GLI3: variants seen among roughly 807,000 people sequenced by gnomAD.
GLI3 encodes GLI family zinc finger 3, also known as transcription activator GLI3.
GLI3 carries 20 observed loss-of-function variants against 100.8 expected under a neutral mutation model. The ratio of observed to expected loss-of-function variants is 0.20; its 90% CI spans 0.14 to 0.29. The LOEUF is 0.29. Among genes scored for constraint, GLI3 ranks in the 10% least tolerant of loss-of-function variants. The pLI, the probability that GLI3 is intolerant of heterozygous loss-of-function variation, is 1.00. For missense variants in GLI3, 2,040 were observed against 2,128.5 expected (o/e 0.96, Z 0.82); for synonymous variants, 938 against 860.5 (o/e 1.09, Z -1.58).
intron 3 of GLI3, among the ~76,000 whole-genome samples, chr7:42,116,632 G>C (rs954505642): frequency 1.4e-4 from 22 of 152,008 alleles, no homozygotes; most frequent in African/African-American, 5.1e-4. Context: ...TCTGATGCAC[G>C]AGGGCACAGC....
At chr7:42,190,631 G>C (rs1787809108) in intron 2 of GLI3, among the ~76,000 whole-genome samples, 1 of 152,114 alleles carries the variant, frequency 6.6e-6, no homozygotes, top group African/African-American at 2.4e-5. Context: ...GTTTCATGTT[G>C]TGAAAACTTT....
chr7:41,971,917 A>ATTTGT lies in GLI3; in HGVS notation c.2103+415_2103+419dup, dbSNP rs1787373581. On this transcript the variant is annotated intron_variant, in intron 13 of 14. Coordinates refer to ENST00000395925, the MANE Select transcript of GLI3 (RefSeq NM_000168.6). ...GTAAGCCTCCATCACACTGCACGGT[A>ATTTGT]TTTGTTTTTCAGTCTATCTATCCCA... Among the ~76,000 whole-genome samples the ATTTGT allele has an allele frequency of 2.0e-5, 3 of 152,232 alleles. No homozygotes were observed. In the East Asian group the frequency reaches 5.8e-4, roughly 29 times the overall value.
intron 4 of GLI3, among the ~76,000 whole-genome samples, chr7:42,057,568 C>T (rs2128745760): frequency 6.6e-6 from 1 of 152,252 alleles, no homozygotes; most frequent in Non-Finnish European, 1.5e-5. Context: ...TGGAAACAAC[C>T]TAATATCTAT....
At chr7:41,998,778 ACAAT>A (rs1448248859) in intron 10 of GLI3, among the ~76,000 whole-genome samples, 1 of 152,254 alleles carries the variant, frequency 6.6e-6, no homozygotes, top group Non-Finnish European at 1.5e-5. Flanking sequence ...TTGGACATCA[ACAAT>A]CAAAGCACTT....
At chr7:42,079,021 G>A (rs769228656) in intron 3 of GLI3, among the ~76,000 whole-genome samples, 2 of 152,096 alleles carry the variant, frequency 1.3e-5, no homozygotes, top group African/African-American at 2.4e-5. Context: ...CAGCCACCGC[G>A]CCCGGCCTCA....
intron 9 of GLI3, 88 bp from the exon 10 acceptor site, chr7:42,023,696 C>T (rs967732066): frequency 7.9e-7 from 1 of 1,272,610 alleles, no homozygotes; most frequent in Non-Finnish European, 1.1e-6. Context: ...AAGTAAAAAC[C>T]CAATTTAGAT....
At chr7:41,993,016 C>T (rs995726740) in intron 10 of GLI3, among the ~76,000 whole-genome samples, 1 of 152,192 alleles carries the variant, frequency 6.6e-6, no homozygotes, top group African/African-American at 2.4e-5. Flanking sequence ...CCCATGCTGC[C>T]TGCAAAATTC....
intron 2 of GLI3, among the ~76,000 whole-genome samples, chr7:42,188,232 T>C (rs1031264034): frequency 1.3e-5 from 2 of 152,094 alleles, no homozygotes; most frequent in Admixed American, 6.5e-5. Context: ...CTTCCAGAAC[T>C]GGAGAGAGTA....
chr7:42,251,751 G>A (rs1320212972), intron 1 of GLI3, among the ~76,000 whole-genome samples: 1 of 152,122 alleles, frequency 6.6e-6, no homozygotes, highest in Non-Finnish European at 1.5e-5. Flanking sequence ...GAGGTTACCT[G>A]CTCAGTGTTA....
intron 6 of GLI3, 68 bp from the exon 7 acceptor site, chr7:42,040,307 T>C: frequency 8.5e-7 from 1 of 1,172,316 alleles, no homozygotes; most frequent in Non-Finnish European, 1.3e-6. Flanking sequence ...TTATTGCTAC[T>C]TGCCTACGTG....
intron 10 of GLI3, among the ~76,000 whole-genome samples, chr7:42,020,889 C>CAAAA (rs371389453): frequency 8.8e-5 from 10 of 113,116 alleles, no homozygotes; most frequent in South Asian, 3.1e-4. Flanking sequence ...GACTCCGTCT[C>CAAAA]AAAAAAAAAA....
intron 1 of GLI3, among the ~76,000 whole-genome samples, chr7:42,234,165 C>A (rs1050886834): frequency 2.6e-5 from 4 of 152,166 alleles, no homozygotes; most frequent in Non-Finnish European, 4.4e-5. Flanking sequence ...CTCATTGATT[C>A]ACTTTTCCTT....
Position 42,223,055 on chromosome 7 carries a change from G to A in GLI3, c.124+75C>T, listed in dbSNP as rs554921154. On this transcript the variant is annotated intron_variant, in intron 2 of 14. Coordinates refer to ENST00000395925, the MANE Select transcript of GLI3 (RefSeq NM_000168.6). ...AACAAACACTGGTCCAGGTGCAAAC[G>A]CTCAATTCACAAGGAATGCAGAGAA... The A allele has an allele frequency of 3.3e-5, 51 of 1,556,942 alleles. No individual in the cohort carries two copies. In the African/African-American group the frequency reaches 5.0e-4, roughly 15 times the overall value.
At chr7:42,101,983 A>G (rs369003739) in intron 3 of GLI3, among the ~76,000 whole-genome samples, 1 of 151,162 alleles carries the variant, frequency 6.6e-6, no homozygotes, top group Non-Finnish European at 1.5e-5. Context: ...ATGGTTTCCA[A>G]TTTCATCCAT....
chr7:42,238,629 C>G (rs1788885594), upstream of GLI3, among the ~76,000 whole-genome samples: 1 of 152,226 alleles, frequency 6.6e-6, no homozygotes, highest in Non-Finnish European at 1.5e-5. Context: ...GTGTCTCTGT[C>G]CCTGCTTCAT....
At chr7:42,240,209 A>G (rs922241456), upstream of GLI3, among the ~76,000 whole-genome samples, 1 of 152,218 alleles carries the variant, frequency 6.6e-6, no homozygotes, top group East Asian at 1.9e-4. Context: ...ACTTATTGCC[A>G]TCTCTCATCA....
chr7:42,107,454 G>A (rs1359883099), intron 3 of GLI3, among the ~76,000 whole-genome samples: 1 of 152,198 alleles, frequency 6.6e-6, no homozygotes, highest in Non-Finnish European at 1.5e-5. Flanking sequence ...GGCGACTGAG[G>A]GTATTTGGGC....
chr7:42,192,761 T>C (rs1188984379), intron 2 of GLI3, among the ~76,000 whole-genome samples: 1 of 152,234 alleles, frequency 6.6e-6, no homozygotes, highest in Non-Finnish European at 1.5e-5. Flanking sequence ...TCCTAATCTC[T>C]GCTTAAGCAT....
At chr7:42,260,653 G>T (rs890912589) in intron 1 of GLI3, among the ~76,000 whole-genome samples, 1 of 152,148 alleles carries the variant, frequency 6.6e-6, no homozygotes. Flanking sequence ...TAACTACAAC[G>T]TAGTGAATGA....
Sources: allele counts gnomAD v4.1 joint callset (sites outside exome capture counted in the v4.1 genomes callset), GRCh38; gene constraint gnomAD v4.1.1; transcripts MANE v1.5; gene names NCBI Gene and HGNC (gene_info 2026-07-23, HGNC 2026-07-21).